Variants in KALRN observed in about 807,000 individuals in gnomAD.
KALRN encodes kalirin RhoGEF kinase.
KALRN carries 70 observed loss-of-function variants against 353.7 expected under a neutral mutation model. The observed-to-expected ratio is 0.20, with a 90% CI of 0.16 to 0.24. KALRN has a LOEUF of 0.24. Ranked by LOEUF, KALRN falls within the 10% of genes least tolerant of loss-of-function variation. KALRN has a pLI of 1.00. For missense variants in KALRN, 2,791 were observed against 3,756.7 expected, an observed-to-expected ratio of 0.74 and a Z score of 6.72; for synonymous variants, 1,391 against 1,434.8, an observed-to-expected ratio of 0.97 and a Z score of 0.69.
chr3:124,381,217 G>A (rs1257553986), intron 10 of KALRN, among the ~76,000 whole-genome samples: 1 of 152,174 alleles, frequency 6.6e-6, no homozygotes, highest in African/African-American at 2.4e-5. Flanking sequence ...ATAAGAGTTG[G>A]TCAAATAGAA....
intron 1 of KALRN, among the ~76,000 whole-genome samples, chr3:124,177,341 C>T (rs2072928078): frequency 1.3e-5 from 2 of 152,196 alleles, no homozygotes; most frequent in African/African-American, 4.8e-5. Flanking sequence ...CAATAAATAT[C>T]CAGGGTAACC....
intron 1 of KALRN, among the ~76,000 whole-genome samples, chr3:124,158,021 GCTCCC>G (rs1474942861): frequency 6.6e-6 from 1 of 152,140 alleles, no homozygotes. Context: ...GCTCCTCAGG[GCTCCC>G]CTTTTCCTGC....
chr3:124,717,180 A>G (rs961498920), intron 58 of KALRN, 67 bp from the exon 59 acceptor site: 38 of 1,439,278 alleles, frequency 2.6e-5, no homozygotes, highest in Middle Eastern at 3.6e-4. Context: ...ACTGATTTGT[A>G]CATGTGTTAT....
rs2063414908 is a variant in KALRN at position 124,726,049 on chromosome 3, G to C, written c.*6579G>C. 1 of 152,110 alleles carries C rather than the reference G, an allele frequency of 6.6e-6. No homozygotes were observed. Among genetic ancestry groups the C allele is most frequent in the South Asian group, 2.1e-4 (1 of 4,824 alleles). The allele number at this position is 152,110 out of a possible 1,614,324, so 9.4% of individuals were successfully genotyped here. A position where few individuals can be genotyped will look rare whatever the true frequency, so the allele number is the denominator to read the frequency against. ...ACAGCCTTAATTATTTCAGTGTCTT[G>C]CTGGTCTGCCTTAAGTGTATCTTCT... On this transcript the variant is annotated 3_prime_UTR_variant, in exon 60 of 60. Transcript: ENST00000682506.
intron 5 of KALRN, among the ~76,000 whole-genome samples, chr3:124,282,111 C>T (rs577456259): frequency 3.3e-5 from 5 of 152,178 alleles, no homozygotes; most frequent in South Asian, 4.2e-4. Context: ...GACAAACCCT[C>T]GAGACACTCA....
chr3:124,437,351 A>T (rs1190591156), intron 17 of KALRN, among the ~76,000 whole-genome samples: 1 of 152,258 alleles, frequency 6.6e-6, no homozygotes, highest in African/African-American at 2.4e-5. Context: ...CTTTCAGCAC[A>T]TCTTTCAGTT....
rs150789708 is a variant in KALRN, at chr3:124,136,874, C to T, written c.74-91116C>T. The stretch of plus-strand genomic sequence containing the variant: ...GCTCTTTAAAGTTACTTCTTGTTTT[C>T]GCACTACAGGAAATTATGGAGGCAC... On this transcript the variant is annotated intron_variant, in intron 1 of 59. Coordinates refer to ENST00000682506, the MANE Select transcript of KALRN (RefSeq NM_001388419.1). 6.7e-3 allele frequency among the ~76,000 whole-genome samples: 1,021 copies of T among 152,224 alleles called. 8 individuals carry two copies. Among genetic ancestry groups the T allele is most frequent in the Admixed American group, 8.4e-3 (129 of 15,282 alleles).
chr3:124,664,289 T>C (rs2085266953), intron 45 of KALRN, among the ~76,000 whole-genome samples: 1 of 151,770 alleles, frequency 6.6e-6, no homozygotes, highest in Non-Finnish European at 1.5e-5. Context: ...CTGATTGTGC[T>C]GTCTATCCCA....
chr3:124,230,872 C>A (rs147279602), intron 2 of KALRN, among the ~76,000 whole-genome samples: 706 of 128,354 alleles, frequency 5.5e-3, no homozygotes, highest in African/African-American at 8.7e-3. Flanking sequence ...AAAAAAAAAA[C>A]AAAAAAAAAA....
intron 41 of KALRN, 125 bp from the exon 42 acceptor site, chr3:124,658,306 C>T (rs763780925): frequency 1.8e-5 from 13 of 735,994 alleles, no homozygotes; most frequent in Non-Finnish European, 2.9e-5. Context: ...TGATATTCAG[C>T]TGCCTTGGTG....
At chr3:124,617,147 C>G (rs976800157) in intron 34 of KALRN, among the ~76,000 whole-genome samples, 1 of 151,894 alleles carries the variant, frequency 6.6e-6, no homozygotes, top group Admixed American at 6.6e-5. Context: ...ATCTGGGCAG[C>G]ACGGTGAAAC....
intron 1 of KALRN, among the ~76,000 whole-genome samples, chr3:124,129,679 A>G (rs1322949520): frequency 2.0e-5 from 3 of 152,198 alleles, no homozygotes; most frequent in African/African-American, 7.2e-5. Flanking sequence ...AGAGGTTGTA[A>G]TAATCACGTC....
At chr3:124,661,023 A>G (rs1028399847) in intron 44 of KALRN, 50 bp downstream of exon 44, 1 of 1,369,952 alleles carries the variant, frequency 7.3e-7, no homozygotes, top group Non-Finnish European at 1.0e-6. Context: ...CATATTGGAT[A>G]TCTTTCTCTA....
At chr3:124,450,563 C>CTTT (rs756571468) in intron 21 of KALRN, among the ~76,000 whole-genome samples, 5 of 138,010 alleles carry the variant, frequency 3.6e-5, no homozygotes, top group Admixed American at 2.9e-4. Context: ...TTCTGAGACT[C>CTTT]TTTTTTTTTT....
intron 1 of KALRN, among the ~76,000 whole-genome samples, chr3:124,114,717 T>A (rs1368487518): frequency 6.6e-6 from 1 of 152,074 alleles, no homozygotes; most frequent in African/African-American, 2.4e-5. Context: ...TGGGGAGATA[T>A]GAGTGGGGCT....
chr3:124,214,606 A>G (rs915785430), intron 1 of KALRN, among the ~76,000 whole-genome samples: 7 of 152,186 alleles, frequency 4.6e-5, no homozygotes, highest in Non-Finnish European at 7.4e-5. Flanking sequence ...GGAGAGGATT[A>G]TGAGTGCTGG....
chr3:124,043,218 C>A (rs2040128253), intron 1 of KALRN, among the ~76,000 whole-genome samples: 1 of 151,912 alleles, frequency 6.6e-6, no homozygotes, highest in African/African-American at 2.4e-5. Flanking sequence ...GGAGTGAGCG[C>A]ATGGGGAGGA....
intron 1 of KALRN, among the ~76,000 whole-genome samples, chr3:124,166,411 G>GTT (rs1302009214): frequency 1.3e-5 from 2 of 152,128 alleles, no homozygotes; most frequent in Non-Finnish European, 2.9e-5. Context: ...TTTCATAGAT[G>GTT]TTTCTCCTTC....
intron 33 of KALRN, chr3:124,518,828 T>TGAAGAGTTAATTA (rs895090795): frequency 7.1e-6 from 8 of 1,126,724 alleles, no homozygotes; most frequent in African/African-American, 1.6e-5. Flanking sequence ...GTCTGCAACA[T>TGAAGAGTTAATTA]GAGTGAAGAG....
Sources: gnomAD v4.1 joint callset for allele counts (sites outside exome capture counted in the v4.1 genomes callset) on GRCh38, gnomAD v4.1.1 for gene constraint, MANE v1.5 for transcripts, NCBI Gene and HGNC (gene_info 2026-07-23, HGNC 2026-07-21) for gene names.